Variants in TRARG1 observed in about 807,000 individuals in gnomAD.
The protein encoded by TRARG1 is trafficking regulator of GLUT4 (SLC2A4) 1 (gene/pseudogene), also known as trafficking regulator of GLUT4 1.
A neutral mutation model predicts 13.3 loss-of-function variants in TRARG1; 16 were observed. The observed-to-expected ratio is 1.20, with a 90% CI of 0.81 to 1.83. The LOEUF (loss-of-function observed/expected upper bound fraction) is 1.83. Ranked by LOEUF, TRARG1 falls within the 40% of genes most tolerant of loss-of-function variation. The pLI, the probability that TRARG1 is intolerant of heterozygous loss-of-function variation, is 0.00. For synonymous variants in TRARG1, 113 were observed against 106.2 expected (o/e 1.06, Z -0.39); for missense variants, 250 against 237.4 (o/e 1.05, Z -0.35).
In TRARG1 at chr17:1,279,935, G is replaced by T. The variant is rs537608875; in HGVS notation, c.-67G>T. ...CCCTCAGTCTGGGCTGGGGAATGGC[G>T]CGCTGAGGTCCCTCCAGAGCCCCTT... On this transcript the variant is annotated 5_prime_UTR_variant, in exon 1 of 3. Transcript: ENST00000333813. 5 of 1,525,438 alleles carry T rather than the reference G, an allele frequency of 3.3e-6. No individual in the cohort carries two copies. In the Middle Eastern group the frequency reaches 7.9e-4, roughly 241 times the overall value. The allele number at this position is 1,525,438 out of a possible 1,614,324, so 94.5% of individuals were successfully genotyped here. A position where few individuals can be genotyped will look rare whatever the true frequency, so the allele number is the denominator to read the frequency against.
At position 1,280,276 on chromosome 17, in the gene TRARG1, C is replaced by T; in HGVS notation, c.275C>T (p.Thr92Ile). 3.7e-6 allele frequency: 6 copies of T among 1,614,102 alleles called. No individual in the cohort carries two copies. Among genetic ancestry groups the T allele is most frequent in the African/African-American group, 1.3e-5 (1 of 75,068 alleles). The change falls in exon 1 of 3, where the codon ACC becomes ATC. Residue 92 changes from threonine to isoleucine, a missense_variant. Physicochemically the swap from Thr to Ile is moderately conservative, Grantham distance 89. Coordinates refer to ENST00000333813, the MANE Select transcript of TRARG1 (RefSeq NM_172367.3). ...SSRRASSIAT[T>I]SYAQDQEAPR... Reference sequence around the variant, plus strand: ...AGGAGGGCGTCCTCCATCGCCACCACCTCCTATGCCCAAGACCAAGAAGCC... The same window carrying T: ...AGGAGGGCGTCCTCCATCGCCACCATCTCCTATGCCCAAGACCAAGAAGCC...
At chr17:1,281,142 T>C (rs2071970074) in intron 1 of TRARG1, among the ~76,000 whole-genome samples, 1 of 152,190 alleles carries the variant, frequency 6.6e-6, no homozygotes, top group African/African-American at 2.4e-5. Context: ...TTGAATGAAT[T>C]GTCTTAGATT....
chr17:1,293,197 T>C (rs1598193967), intron 1 of TRARG1, among the ~76,000 whole-genome samples: 1 of 144,948 alleles, frequency 6.9e-6, no homozygotes, highest in Non-Finnish European at 1.5e-5. Flanking sequence ...GGTAGGAGAG[T>C]GGCTTGAACC....
At chr17:1,289,448 C>A (rs865896272) in intron 1 of TRARG1, among the ~76,000 whole-genome samples, 1 of 138,314 alleles carries the variant, frequency 7.2e-6, no homozygotes, top group Admixed American at 7.4e-5. Context: ...GGCTCCTCAT[C>A]CCCCACCGGC....
intron 1 of TRARG1, among the ~76,000 whole-genome samples, chr17:1,281,617 G>T (rs541288636): frequency 6.6e-6 from 1 of 152,280 alleles, no homozygotes; most frequent in East Asian, 1.9e-4. Flanking sequence ...GGCCGGGCAG[G>T]GGCCTTCCGG....
chr17:1,292,545 GTCCAGTCCCTCCTACC>G (rs1567932068), intron 1 of TRARG1, among the ~76,000 whole-genome samples: 1 of 152,070 alleles, frequency 6.6e-6, no homozygotes, highest in Non-Finnish European at 1.5e-5. Flanking sequence ...GCTGACCTCC[GTCCAGTCCCTCCTACC>G]TCCTCAGTCA....
intron 1 of TRARG1, among the ~76,000 whole-genome samples, chr17:1,294,691 C>CT (rs35974763): frequency 0.4 from 52,219 of 130,110 alleles, 10,574 homozygotes; most frequent in African/African-American, 0.44. Context: ...GTCTCAAACT[C>CT]TTTTTTTTTT....
In TRARG1 at chr17:1,300,270, C is replaced by T. The variant is rs1256975003; in HGVS notation, c.*2006C>T. ...AGGAGGGATGATGAGTGGGCGTTTTCCCGGCAGGCCCCCGGGGTCCTCAGC... is the reference window on the plus strand; with the variant it reads ...AGGAGGGATGATGAGTGGGCGTTTTTCCGGCAGGCCCCCGGGGTCCTCAGC... On this transcript the variant is annotated 3_prime_UTR_variant, in exon 3 of 3. Transcript: ENST00000333813. 11 of 152,232 alleles carry T rather than the reference C, an allele frequency of 7.2e-5. No individual in the cohort carries two copies. Among genetic ancestry groups the T allele is most frequent in the Admixed American group, 7.2e-4 (11 of 15,282 alleles). 9.4% of individuals were successfully genotyped at this position (152,232 alleles called of 1,614,324 possible).
chr17:1,293,420 T>C (rs942526958), intron 1 of TRARG1, among the ~76,000 whole-genome samples: 3 of 151,232 alleles, frequency 2.0e-5, no homozygotes, highest in African/African-American at 7.3e-5. Context: ...GTGGGTTGGG[T>C]TTGATGATGT....
chr17:1,291,213 T>C (rs1047307934), intron 1 of TRARG1, among the ~76,000 whole-genome samples: 4 of 152,114 alleles, frequency 2.6e-5, no homozygotes, highest in African/African-American at 9.7e-5. Flanking sequence ...CGGGTTCAAG[T>C]AATTCTCCTG....
At chr17:1,290,780 A>G (rs1423260859) in intron 1 of TRARG1, among the ~76,000 whole-genome samples, 1 of 152,086 alleles carries the variant, frequency 6.6e-6, no homozygotes, top group Non-Finnish European at 1.5e-5. Context: ...CTCACCTTGA[A>G]TTGTAGGCCC....
intron 1 of TRARG1, among the ~76,000 whole-genome samples, chr17:1,290,880 A>G (rs1224522596): frequency 6.7e-6 from 1 of 148,178 alleles, no homozygotes; most frequent in Non-Finnish European, 1.5e-5. Context: ...CGCGATAATG[A>G]GTGAGTTCTC....
chr17:1,292,553 C>A (rs933366104), intron 1 of TRARG1, among the ~76,000 whole-genome samples: 1 of 152,194 alleles, frequency 6.6e-6, no homozygotes, highest in Non-Finnish European at 1.5e-5. Context: ...CCGTCCAGTC[C>A]CTCCTACCTC....
rs371689207 is a variant in TRARG1 at position 1,280,157 on chromosome 17, T to G, written c.156T>G (p.Asp52Glu). ...NLSKTLSGPL[D>E]LEQNSQGLPF... ...CCAAGACCCTCTCGGGGCCTCTGGA[T>G]CTGGAGCAGAACAGCCAGGGCCTAC... The change falls in exon 1 of 3, where the codon GAT becomes GAG. Residue 52 changes from aspartate to glutamate, a missense_variant. Asp to Glu is a conservative substitution (Grantham distance 45, BLOSUM62 2). Transcript: ENST00000333813. The G allele has an allele frequency of 1.9e-5, 31 of 1,613,858 alleles. No homozygotes were observed. In the African/African-American group the frequency reaches 3.2e-4, roughly 17 times the overall value.
chr17:1,294,003 GTCT>G (rs1001735972), intron 1 of TRARG1, among the ~76,000 whole-genome samples: 23 of 152,150 alleles, frequency 1.5e-4, no homozygotes, highest in Non-Finnish European at 2.9e-4. Context: ...CATCATCATC[GTCT>G]TCTTCTTTGT....
intron 1 of TRARG1, among the ~76,000 whole-genome samples, chr17:1,293,860 G>C (rs1223246886): frequency 6.6e-6 from 1 of 152,112 alleles, no homozygotes; most frequent in Non-Finnish European, 1.5e-5. Flanking sequence ...CAGAGAGGGA[G>C]GGGCACAGCT....
chr17:1,280,301 C>T lies in TRARG1; in HGVS notation c.300C>T (p.Ala100=), dbSNP rs2071963596. 1.9e-6 allele frequency: 3 copies of T among 1,613,900 alleles called. No homozygotes were observed. The highest frequency in any genetic ancestry group is 3.3e-5 in the Admixed American group (2 of 59,996). The change falls in exon 1 of 3, where the codon GCC becomes GCT. Residue 100 remains alanine, a synonymous_variant. Transcript: ENST00000333813. ...CCTCCTATGCCCAAGACCAAGAAGC[C>T]CCCAGAGATTACCTCATCCTGGCCG... ...ATTSYAQDQE[A]PRDYLILAVV...
At chr17:1,280,450 C>A in intron 1 of TRARG1, 62 bp downstream of exon 1, 1 of 1,482,568 alleles carries the variant, frequency 6.7e-7, no homozygotes, top group Non-Finnish European at 9.0e-7. Flanking sequence ...GGTGTTTCCC[C>A]CAGGCAGGCA....
At chr17:1,296,599 C>T (rs1324674092) in intron 2 of TRARG1, among the ~76,000 whole-genome samples, 1 of 151,600 alleles carries the variant, frequency 6.6e-6, no homozygotes, top group African/African-American at 2.4e-5. Flanking sequence ...GCAACCTCCA[C>T]CTCCCAGGTT....
Sources: allele counts gnomAD v4.1 joint callset (sites outside exome capture counted in the v4.1 genomes callset), GRCh38; gene constraint gnomAD v4.1.1; transcripts MANE v1.5; gene names NCBI Gene and HGNC (gene_info 2026-07-23, HGNC 2026-07-21).